BRF1: variants seen among roughly 807,000 people sequenced by gnomAD.
BRF1 encodes the protein BRF1 general transcription factor IIIB subunit.
BRF1 carries 59 observed loss-of-function variants against 81.7 expected under a neutral mutation model. That is an observed-to-expected ratio of 0.72 (90% confidence interval 0.59 to 0.90). The LOEUF (loss-of-function observed/expected upper bound fraction) is 0.90, where lower values mean the gene tolerates loss of function less well. Ranked by LOEUF, BRF1 falls within the 40% of genes least tolerant of loss-of-function variation. BRF1 has a pLI of 0.00. For synonymous variants in BRF1, 491 were observed against 395.6 expected (o/e 1.24, Z -2.86); for missense variants, 1,050 against 936.3 (o/e 1.12, Z -1.58).
At chr14:105,300,350 C>A in intron 1 of BRF1, 96 bp downstream of exon 1, 1 of 1,295,268 alleles carries the variant, frequency 7.7e-7, no homozygotes, top group Non-Finnish European at 1.0e-6. Flanking sequence ...ACAGAGCGTG[C>A]GGTACCGAGG....
chr14:105,277,535 G>A (rs1164991495), intron 2 of BRF1, among the ~76,000 whole-genome samples: 1 of 137,072 alleles, frequency 7.3e-6, no homozygotes, highest in Non-Finnish European at 1.6e-5. Context: ...TAGAGAGCTG[G>A]GGAGGAGGCC....
Position 105,221,703 on chromosome 14 carries a change from G to T in BRF1, c.1260C>A (p.Ser420Arg). ...CGCGGATGGAGTCTGAGATGCCCAG[G>T]CTGGCTGCAGTGGGGAGGGGGTCCA... ...SLLDPLPTAA[S>R]LGISDSIREC... Residue 420 changes from serine to arginine, a missense_variant, in exon 11 of 18, where the codon AGC becomes AGA. By Grantham distance (110) the Ser-to-Arg change is moderately radical. Around this residue, in one of 2 missense-constraint regions of BRF1, gnomAD observed 1,043 missense variants for 915.4 expected, o/e 1.14. Coordinates refer to ENST00000547530, the MANE Select transcript of BRF1 (RefSeq NM_001519.4). 6.2e-7 allele frequency: 1 copy of T among 1,611,628 alleles called. No individual in the cohort carries two copies. Among genetic ancestry groups the T allele is most frequent in the Non-Finnish European group, 8.5e-7 (1 of 1,179,862 alleles).
chr14:105,292,636 T>C lies in BRF1; in HGVS notation c.185-6260A>G, dbSNP rs866468832. ...GGAGGCTGGACCAGACCGCAGTGCA[T>C]CCCTGAGAGCTGGGGACGGGGACCC... is the stretch of plus-strand genomic sequence containing the variant. On this transcript the variant is annotated intron_variant, in intron 1 of 17. Coordinates refer to ENST00000547530, the MANE Select transcript of BRF1 (RefSeq NM_001519.4). 2.7e-4 allele frequency among the ~76,000 whole-genome samples: 41 copies of C among 152,266 alleles called. No homozygotes were observed. In the Middle Eastern group the frequency reaches 0.01, roughly 38 times the overall value.
chr14:105,292,137 T>C (rs2057541766), intron 1 of BRF1, among the ~76,000 whole-genome samples: 1 of 152,112 alleles, frequency 6.6e-6, no homozygotes, highest in Non-Finnish European at 1.5e-5. Context: ...ACCACAGACA[T>C]GCGCCACCAC....
chr14:105,310,869 T>C (rs1401914007), intron 1 of BRF1, among the ~76,000 whole-genome samples: 5 of 152,248 alleles, frequency 3.3e-5, no homozygotes, highest in African/African-American at 1.2e-4. Context: ...CCTATCAATA[T>C]TTTTCTATAC....
At chr14:105,220,496 G>C (rs1892107923) in intron 11 of BRF1, among the ~76,000 whole-genome samples, 1 of 152,258 alleles carries the variant, frequency 6.6e-6, no homozygotes, top group Non-Finnish European at 1.5e-5. Flanking sequence ...CACGGAGTGA[G>C]ATGGGGGTCT....
chr14:105,302,840 C>G (rs2058080144), upstream of BRF1, among the ~76,000 whole-genome samples: 1 of 151,932 alleles, frequency 6.6e-6, no homozygotes, highest in South Asian at 2.1e-4. Context: ...CTTGTCTTCC[C>G]AAAGTGCTGG....
At chr14:105,297,373 C>A (rs774086149) in intron 1 of BRF1, among the ~76,000 whole-genome samples, 18 of 152,086 alleles carry the variant, frequency 1.2e-4, no homozygotes, top group Non-Finnish European at 2.4e-4. Context: ...TCGAGACCAG[C>A]CTGGCCAATG....
In BRF1 at chr14:105,211,269, G is replaced by A. The variant is rs777985024; in HGVS notation, c.1849C>T (p.Leu617Phe). The A allele has an allele frequency of 6.2e-7, 1 of 1,603,626 alleles. No homozygotes were observed. Among genetic ancestry groups the A allele is most frequent in the Non-Finnish European group, 8.5e-7 (1 of 1,175,082 alleles). ...TGGGGCCTGGCAGGCTCAGCTCCGA[G>A]GGTGGGAGAGCTTGGGAGCAAAGCC... ...GEALLPSSPT[L>F]GAEPARPQAV... Residue 617 changes from leucine to phenylalanine, a missense_variant, in exon 17 of 18, where the codon CTC becomes TTC. This residue lies in a region of BRF1 where 1,043 missense variants were observed against 915.4 expected (regional missense o/e 1.14). Coordinates refer to ENST00000547530, the MANE Select transcript of BRF1 (RefSeq NM_001519.4).
At chr14:105,292,404 A>G (rs2057555052) in intron 1 of BRF1, among the ~76,000 whole-genome samples, 1 of 152,080 alleles carries the variant, frequency 6.6e-6, no homozygotes. Context: ...TTGTAGAGAC[A>G]GTTTCACTAT....
At chr14:105,253,014 T>C (rs1418182514) in intron 4 of BRF1, among the ~76,000 whole-genome samples, 1 of 152,178 alleles carries the variant, frequency 6.6e-6, no homozygotes, top group African/African-American at 2.4e-5. Context: ...CTGAGATCTG[T>C]GTTCCTCAGT....
intron 3 of BRF1, among the ~76,000 whole-genome samples, chr14:105,261,791 G>A (rs1471886239): frequency 1.3e-5 from 2 of 152,204 alleles, no homozygotes; most frequent in Admixed American, 6.5e-5. Flanking sequence ...CAGCATTCCC[G>A]GCCCCATGGG....
chr14:105,292,795 CCCCTTCCCAGGCACAGA>C (rs1322172557), intron 1 of BRF1, among the ~76,000 whole-genome samples: 2 of 151,700 alleles, frequency 1.3e-5, no homozygotes, highest in South Asian at 2.1e-4. Flanking sequence ...CATGCGCACA[CCCCTTCCCAGGCACAGA>C]CCCTTCCCAG....
chr14:105,225,401 C>G (rs1258409543), intron 10 of BRF1, among the ~76,000 whole-genome samples: 1 of 152,166 alleles, frequency 6.6e-6, no homozygotes, highest in Non-Finnish European at 1.5e-5. Context: ...TCAGACACGC[C>G]TCATTATACC....
In BRF1 at chr14:105,241,443, A is replaced by C. The variant is rs145712717; in HGVS notation, c.545-29T>G. ...CGGCAGACACAGCACCTCAGTGCCC[A>C]CCTCCATGTGCCATGGCACGTGCAC... On this transcript the variant is annotated intron_variant, in intron 5 of 17. Transcript: ENST00000547530. 1,647 of 1,607,402 alleles carry C rather than the reference A, an allele frequency of 1.0e-3. 16 individuals carry two copies. The African/African-American group carries it at 0.017, about 17-fold the overall frequency.
intron 5 of BRF1, among the ~76,000 whole-genome samples, chr14:105,246,102 G>A (rs749328940): frequency 5.3e-5 from 8 of 152,150 alleles, no homozygotes; most frequent in Non-Finnish European, 7.3e-5. Context: ...CTGCACTTTT[G>A]TAATCCCAGC....
At chr14:105,246,155 G>A (rs2055085144) in intron 5 of BRF1, among the ~76,000 whole-genome samples, 1 of 151,938 alleles carries the variant, frequency 6.6e-6, no homozygotes, top group South Asian at 2.1e-4. Flanking sequence ...AACCTGGAAG[G>A]CGGATGTTGC....
chr14:105,220,371 C>T (rs1173841160), intron 11 of BRF1, among the ~76,000 whole-genome samples: 1 of 152,186 alleles, frequency 6.6e-6, no homozygotes, highest in Non-Finnish European at 1.5e-5. Context: ...AGGAAAACCC[C>T]AGCACTTCTG....
At position 105,248,294 on chromosome 14, in the gene BRF1, G is replaced by A. The variant is rs899258067; in HGVS notation, c.544+4213C>T. ...CGGAATGCAAATGGCCAAACAAGCA[G>A]GTCCACCTGCGTTCCTAACCAAAAG... On this transcript the variant is annotated intron_variant, in intron 5 of 17. Coordinates refer to ENST00000547530, the MANE Select transcript of BRF1 (RefSeq NM_001519.4). 14 of 985,344 alleles carry A rather than the reference G, an allele frequency of 1.4e-5. No individual in the cohort carries two copies. The Admixed American group carries it at 2.5e-4, about 17-fold the overall frequency. 61.0% of individuals were successfully genotyped at this position (985,344 alleles called of 1,614,324 possible).
Sources: gnomAD v4.1 joint callset for allele counts (sites outside exome capture counted in the v4.1 genomes callset) on GRCh38, gnomAD v4.1.1 for gene constraint, gnomAD v4.1.1 regional missense constraint, MANE v1.5 for transcripts, NCBI Gene and HGNC (gene_info 2026-07-23, HGNC 2026-07-21) for gene names.